The following GPM6B variants were observed in gnomAD, a reference collection of about 807,000 sequenced individuals.
GPM6B encodes neuronal membrane glycoprotein M6-b.
GPM6B carries 4 observed loss-of-function variants against 27.2 expected under a neutral mutation model. The ratio of observed to expected loss-of-function variants is 0.15; its 90% CI spans 0.07 to 0.34. GPM6B has a LOEUF of 0.34. GPM6B is among the 10% of genes least tolerant of loss of function. The pLI is 1.00. For synonymous variants in GPM6B, 124 were observed against 103.1 expected (o/e 1.20, Z -1.23); for missense variants, 183 against 261.9 (o/e 0.70, Z 2.08).
chrX:13,825,770 GA>G (rs2049365349), intron 1 of GPM6B, among the ~76,000 whole-genome samples: 1 of 112,144 alleles, frequency 8.9e-6, no homozygotes, highest in Non-Finnish European at 1.9e-5. Flanking sequence ...AGCTTAAGGA[GA>G]AAAACACAGT....
At chrX:13,782,757 C>CAAAAAAAAAA (rs36124855) in intron 4 of GPM6B, among the ~76,000 whole-genome samples, 1 of 31,155 alleles carries the variant, frequency 3.2e-5, no homozygotes, top group East Asian at 1.2e-3. Context: ...TGCTCCGTCT[C>CAAAAAAAAAA]AAAAAAAAAA....
intron 1 of GPM6B, among the ~76,000 whole-genome samples, chrX:13,823,750 CCTCAAGTG>C: frequency 9.0e-6 from 1 of 111,652 alleles, no homozygotes; most frequent in Non-Finnish European, 1.9e-5. Flanking sequence ...AAACTCCTGA[CCTCAAGTG>C]ATCCGCCTGC....
intron 1 of GPM6B, among the ~76,000 whole-genome samples, chrX:13,829,483 G>C (rs747188756): frequency 8.9e-6 from 1 of 111,763 alleles, no homozygotes; most frequent in Non-Finnish European, 1.9e-5. Context: ...GTCCCAGGGA[G>C]AGGTAGAGAG....
intron 2 of GPM6B, among the ~76,000 whole-genome samples, chrX:13,797,058 GA>G (rs1375352517): frequency 8.9e-6 from 1 of 112,438 alleles, no homozygotes; most frequent in African/African-American, 3.2e-5. Context: ...AGACATTTGA[GA>G]AGTATTTAAT....
At chrX:13,817,450 G>A (rs969855388), upstream of GPM6B, 1 of 544,399 alleles carries the variant, frequency 1.8e-6, no homozygotes, top group Non-Finnish European at 2.2e-6. Flanking sequence ...CTCCCACCAC[G>A]TGACTTTGTT....
chrX:13,815,050 GA>G (rs1224578873), intron 1 of GPM6B, among the ~76,000 whole-genome samples: 3 of 111,841 alleles, frequency 2.7e-5, no homozygotes, highest in Admixed American at 9.5e-5. Flanking sequence ...GCAACCTGTA[GA>G]TCTGTTATTA....
intron 1 of GPM6B, among the ~76,000 whole-genome samples, chrX:13,810,090 C>G (rs931530413): frequency 9.0e-6 from 1 of 110,582 alleles, no homozygotes; most frequent in Non-Finnish European, 1.9e-5. Flanking sequence ...TGCACTCCAG[C>G]CTGGGTGACA....
chrX:13,812,033 ACTTTT>A (rs1333911641), intron 1 of GPM6B, among the ~76,000 whole-genome samples: 21 of 97,123 alleles, frequency 2.2e-4, no homozygotes, highest in Non-Finnish European at 4.1e-4. Flanking sequence ...AAAGGAGAAC[ACTTTT>A]CTTTTCTTTC....
intron 1 of GPM6B, among the ~76,000 whole-genome samples, chrX:13,846,495 TATTTC>T (rs2049648033): frequency 1.8e-5 from 2 of 111,240 alleles, no homozygotes; most frequent in African/African-American, 6.6e-5. Flanking sequence ...TTTTATTTTT[TATTTC>T]ATTTTTTTGA....
At chrX:13,848,844 G>A (rs939976726) in intron 1 of GPM6B, among the ~76,000 whole-genome samples, 6 of 112,163 alleles carry the variant, frequency 5.3e-5, no homozygotes, top group Non-Finnish European at 1.1e-4. Context: ...ACAAAATATG[G>A]TCAATCCACA....
chrX:13,867,889 C>T (rs2049935948), intron 1 of GPM6B, among the ~76,000 whole-genome samples: 1 of 111,454 alleles, frequency 9.0e-6, no homozygotes, highest in Non-Finnish European at 1.9e-5. Context: ...CAACTTGAGC[C>T]CAAATGATGT....
intron 1 of GPM6B, among the ~76,000 whole-genome samples, chrX:13,854,736 T>C (rs900254993): frequency 8.9e-6 from 1 of 111,942 alleles, no homozygotes; most frequent in African/African-American, 3.2e-5. Context: ...TGCTAAACAT[T>C]ATATGCATTG....
chrX:13,804,437 G>T (rs2048983167), intron 2 of GPM6B, among the ~76,000 whole-genome samples: 1 of 91,322 alleles, frequency 1.1e-5, no homozygotes. Flanking sequence ...GGGGGGCGGG[G>T]GTAGCCCATG....
At chrX:13,872,576 C>T (rs902857243) in intron 1 of GPM6B, among the ~76,000 whole-genome samples, 3 of 109,952 alleles carry the variant, frequency 2.7e-5, no homozygotes, top group Non-Finnish European at 5.7e-5. Context: ...GTCACCTAGG[C>T]TGAGGGTGAA....
At chrX:13,792,034 G>C (rs2048723348) in intron 2 of GPM6B, among the ~76,000 whole-genome samples, 1 of 111,782 alleles carries the variant, frequency 8.9e-6, no homozygotes, top group Non-Finnish European at 1.9e-5. Flanking sequence ...CAGGAACCAA[G>C]CTTTACAACT....
intron 1 of GPM6B, among the ~76,000 whole-genome samples, chrX:13,840,732 G>A (rs938130640): frequency 9.0e-6 from 1 of 110,999 alleles, no homozygotes; most frequent in African/African-American, 3.3e-5. Context: ...GATTCCTCCC[G>A]GCTCCAAACT....
intron 1 of GPM6B, among the ~76,000 whole-genome samples, chrX:13,811,084 C>T (rs1364078202): frequency 2.7e-5 from 3 of 111,930 alleles, no homozygotes; most frequent in Non-Finnish European, 5.6e-5. Context: ...ATTCTGGGCA[C>T]CTGGCAAGAA....
intron 2 of GPM6B, among the ~76,000 whole-genome samples, chrX:13,802,556 A>G (rs754706729): frequency 2.3e-4 from 25 of 108,742 alleles, no homozygotes; most frequent in Admixed American, 3.9e-4. Context: ...ATTATTTTAT[A>G]TATATATATA....
At chrX:13,784,940 C>T (rs2048582167) in intron 3 of GPM6B, among the ~76,000 whole-genome samples, 1 of 111,534 alleles carries the variant, frequency 9.0e-6, no homozygotes, top group Admixed American at 9.5e-5. Flanking sequence ...TCCTACCATT[C>T]CAGGGATGGT....
Sources: allele counts gnomAD v4.1 joint callset (sites outside exome capture counted in the v4.1 genomes callset), GRCh38; gene constraint gnomAD v4.1.1; transcripts MANE v1.5; gene names NCBI Gene and HGNC (gene_info 2026-07-23, HGNC 2026-07-21).